Variants in LARGE1 observed in about 807,000 individuals in gnomAD.
LARGE1 encodes LARGE xylosyl- and glucuronyltransferase 1.
Under a neutral mutation model 87.6 loss-of-function variants are expected in LARGE1, and 43 were observed. The ratio of observed to expected loss-of-function variants is 0.49; its 90% CI spans 0.38 to 0.63. LARGE1 has a LOEUF of 0.63. Ranked by LOEUF, LARGE1 falls within the 30% of genes least tolerant of loss-of-function variation. The pLI is 0.00. For synonymous variants in LARGE1, 434 were observed against 394.6 expected (o/e 1.10, Z -1.18); for missense variants, 802 against 1,000.2 (o/e 0.80, Z 2.67).
chr22:33,248,464 G>C (rs1926868862), intron 11 of LARGE1, among the ~76,000 whole-genome samples: 2 of 152,132 alleles, frequency 1.3e-5, no homozygotes, highest in African/African-American at 4.8e-5. Flanking sequence ...CCAAAGTGCT[G>C]GGATTATAGG....
chr22:33,237,095 G>A (rs1295370347), intron 11 of LARGE1, among the ~76,000 whole-genome samples: 1 of 152,144 alleles, frequency 6.6e-6, no homozygotes, highest in African/African-American at 2.4e-5. Flanking sequence ...TATCCCTCTG[G>A]AGATTATGCA....
intron 6 of LARGE1, among the ~76,000 whole-genome samples, chr22:33,524,108 C>A (rs545423482): frequency 2.4e-4 from 36 of 151,840 alleles, no homozygotes; most frequent in Non-Finnish European, 4.3e-4. Context: ...CTGACTGACA[C>A]GGTGAAACCC....
intron 6 of LARGE1, among the ~76,000 whole-genome samples, chr22:33,562,383 A>T (rs1021649180): frequency 1.3e-5 from 2 of 152,228 alleles, no homozygotes; most frequent in Admixed American, 1.3e-4. Context: ...GAGTTCCTTG[A>T]AGGCAGGTGC....
Position 33,848,844 on chromosome 22 carries a change from G to C in LARGE1, c.-83+71151C>G, listed in dbSNP as rs564001840. Among the ~76,000 whole-genome samples the C allele has an allele frequency of 2.0e-5, 3 of 152,074 alleles. No homozygotes were observed. The East Asian group carries it at 5.8e-4, about 30-fold the overall frequency. On this transcript the variant is annotated intron_variant, in intron 1 of 14. Transcript: ENST00000397394. The stretch of plus-strand genomic sequence containing the variant: ...AATCACTTTCCCGAGATGCCTCTTC[G>C]GGTCTGTAGATTGGAGGGACATATT...
At chr22:33,563,909 G>A (rs983044305) in intron 6 of LARGE1, among the ~76,000 whole-genome samples, 1 of 152,132 alleles carries the variant, frequency 6.6e-6, no homozygotes, top group African/African-American at 2.4e-5. Context: ...AGTGACCAGG[G>A]CAAGCAAGGA....
intron 2 of LARGE1, among the ~76,000 whole-genome samples, chr22:33,757,792 T>C (rs481698): frequency 0.83 from 126,721 of 152,168 alleles, 52,954 homozygotes; most frequent in East Asian, 0.97. Flanking sequence ...AAATGGATTG[T>C]AACGTTGTTG....
chr22:33,378,414 T>C (rs1356957223), intron 9 of LARGE1, among the ~76,000 whole-genome samples: 1 of 152,230 alleles, frequency 6.6e-6, no homozygotes, highest in Non-Finnish European at 1.5e-5. Flanking sequence ...CTGAGGATAA[T>C]ACTCTTTGTG....
intron 10 of LARGE1, among the ~76,000 whole-genome samples, chr22:33,324,228 C>CAAAAAAAAAAAAAAAA (rs1161508287): frequency 9.3e-5 from 1 of 10,738 alleles, no homozygotes; most frequent in Admixed American, 2.5e-3. Flanking sequence ...GACTCCATCT[C>CAAAAAAAAAAAAAAAA]AAAAAAAAAA....
intron 1 of LARGE1, among the ~76,000 whole-genome samples, chr22:33,766,993 C>A (rs1374205378): frequency 2.3e-5 from 3 of 128,616 alleles, no homozygotes; most frequent in Non-Finnish European, 4.9e-5. Flanking sequence ...ATACAAGGAG[C>A]CTGCATTGCT....
chr22:33,441,996 A>C (rs571748382), intron 6 of LARGE1, among the ~76,000 whole-genome samples: 153 of 152,290 alleles, frequency 1.0e-3, no homozygotes, highest in Admixed American at 1.6e-3. Context: ...TCACTTGGAA[A>C]AAATACTCCA....
At chr22:33,266,605 C>T (rs532889773) in intron 11 of LARGE1, among the ~76,000 whole-genome samples, 1 of 151,792 alleles carries the variant, frequency 6.6e-6, no homozygotes, top group Non-Finnish European at 1.5e-5. Context: ...CTTCCCATTG[C>T]TGATTAAATA....
At position 33,277,227 on chromosome 22, in the gene LARGE1, G is replaced by C. The variant is rs750940600; in HGVS notation, c.1906C>G (p.Pro636Ala). The C allele has an allele frequency of 1.2e-6, 2 of 1,614,258 alleles. No homozygotes were observed. Among genetic ancestry groups the C allele is most frequent in the Admixed American group, 3.3e-5 (2 of 60,032 alleles). Reference protein sequence around the residue: ...RYHVWTKGHAPTNFAKWRTAT... With the variant: ...RYHVWTKGHAATNFAKWRTAT... ...GTCCGCCACTTGGCGAAGTTTGTGG[G>C]TGCGTGGCCTTTCGTCCAGACGTGG... The change falls in exon 14 of 15, where the codon CCC becomes GCC. Residue 636 changes from proline (P) to alanine (A), a missense_variant. Pro to Ala is a conservative substitution (Grantham distance 27, BLOSUM62 -1). This residue lies in a region of LARGE1 where 625 missense variants were observed against 841.9 expected (regional missense o/e 0.74). Transcript: ENST00000397394.
intron 7 of LARGE1, among the ~76,000 whole-genome samples, chr22:33,400,627 G>A (rs1227340922): frequency 1.3e-5 from 2 of 152,220 alleles, no homozygotes; most frequent in Admixed American, 6.5e-5. Context: ...GGATGGCCGA[G>A]CAGCTCTGAC....
the LARGE1 span, among the ~76,000 whole-genome samples, chr22:33,139,049 T>C: frequency 6.2e-3 from 950 of 152,282 alleles, 50 homozygotes; most frequent in South Asian, 0.14. Flanking sequence ...AAGTTCTCTC[T>C]TTGCCTGATG....
chr22:33,375,522 G>C (rs2147054658), intron 9 of LARGE1, among the ~76,000 whole-genome samples: 1 of 152,180 alleles, frequency 6.6e-6, no homozygotes, highest in South Asian at 2.1e-4. Context: ...CTCTATAGCA[G>C]GATACAATGG....
intron 11 of LARGE1, among the ~76,000 whole-genome samples, chr22:33,226,662 A>C (rs1925748854): frequency 6.6e-6 from 1 of 152,078 alleles, no homozygotes; most frequent in South Asian, 2.1e-4. Flanking sequence ...CTTAACGAAA[A>C]CATCTCACTA....
At chr22:33,224,319 G>GATAGATGA (rs1925618808) in intron 11 of LARGE1, among the ~76,000 whole-genome samples, 1 of 151,892 alleles carries the variant, frequency 6.6e-6, no homozygotes, top group African/African-American at 2.4e-5. Context: ...AAAAGTGCTG[G>GATAGATGA]ATAAATGCCC....
rs1928785534 is a variant in LARGE1, at chr22:33,274,523, G to C, written c.2175C>G (p.Ile725Met). 6.2e-7 allele frequency: 1 copy of C among 1,614,176 alleles called. No homozygotes were observed. Among genetic ancestry groups the C allele is most frequent in the Non-Finnish European group, 8.5e-7 (1 of 1,180,034 alleles). The part of the protein sequence containing the change: ...TKFRSNKQYR[I>M]CLKTLKEEFQ... ...ACTCTTCCTTGAGGGTTTTGAGACA[G>C]ATGCGGTATTGCTTGTTGGAACGGA... is the stretch of plus-strand genomic sequence containing the variant. Residue 725 changes from isoleucine to methionine, a missense_variant, in exon 15 of 15, where the codon ATC (isoleucine) becomes ATG (methionine). Coordinates refer to ENST00000397394, the MANE Select transcript of LARGE1 (RefSeq NM_133642.5).
chr22:33,120,398 C>CTTTCTT, the LARGE1 span, among the ~76,000 whole-genome samples: 1 of 94,016 alleles, frequency 1.1e-5, no homozygotes, highest in East Asian at 2.5e-4. Flanking sequence ...TTCTTTCTTT[C>CTTTCTT]TTTCTTTCTT....
Sources: gnomAD v4.1 joint callset for allele counts (sites outside exome capture counted in the v4.1 genomes callset) on GRCh38, gnomAD v4.1.1 for gene constraint, gnomAD v4.1.1 regional missense constraint, MANE v1.5 for transcripts, NCBI Gene and HGNC (gene_info 2026-07-23, HGNC 2026-07-21) for gene names.